Variants in DAPK2 observed in about 807,000 individuals in gnomAD.
DAPK2 encodes the protein death-associated protein kinase 2.
In DAPK2, 35 loss-of-function variants were observed where a neutral mutation model predicts 44.1. The ratio of observed to expected loss-of-function variants is 0.79; its 90% CI spans 0.61 to 1.05. The LOEUF is 1.05. Among genes scored for constraint, DAPK2 ranks in the 50% least tolerant of loss-of-function variants. DAPK2 has a pLI of 0.00. For missense variants in DAPK2, 453 were observed against 483.2 expected (o/e 0.94, Z 0.59); for synonymous variants, 174 against 182.6 (o/e 0.95, Z 0.38).
chr15:63,988,836 T>G (rs1289633052), intron 1 of DAPK2, among the ~76,000 whole-genome samples: 1 of 152,044 alleles, frequency 6.6e-6, no homozygotes, highest in Non-Finnish European at 1.5e-5. Context: ...AACTTCATAT[T>G]CATTCTCTTT....
rs530147072 is a variant in DAPK2 at position 64,020,096 on chromosome 15, G to A, written c.92+20074C>T. Among the ~76,000 whole-genome samples the A allele has an allele frequency of 6.6e-6, 1 of 152,168 alleles. No homozygotes were observed. ...CCATGGCTCTAGATGAGTGATTCCT[G>A]CCCCAGCTGAGTAGACAGCCCATGG... On this transcript the variant is annotated intron_variant, in intron 1 of 10. Coordinates refer to ENST00000261891, the Ensembl canonical transcript of DAPK2. The surrounding 1 kb of genome is among the most constrained non-coding windows in gnomAD (Gnocchi z 4.5).
chr15:63,914,912 G>A (rs552201966), intron 8 of DAPK2, among the ~76,000 whole-genome samples: 1 of 152,166 alleles, frequency 6.6e-6, no homozygotes, highest in African/African-American at 2.4e-5. Context: ...TTCATTACAC[G>A]TGGTGCTACC....
chr15:63,943,250 C>A (rs1322003648), intron 3 of DAPK2, among the ~76,000 whole-genome samples: 2 of 151,826 alleles, frequency 1.3e-5, no homozygotes, highest in African/African-American at 4.8e-5. Flanking sequence ...TTGGAGAAAC[C>A]CTGTCTCTAC....
intron 6 of DAPK2, among the ~76,000 whole-genome samples, chr15:63,926,376 C>G (rs1189157389): frequency 6.6e-6 from 1 of 151,878 alleles, no homozygotes; most frequent in Admixed American, 6.6e-5. Flanking sequence ...TTTGTGATCC[C>G]CAGCAAGACA....
rs780608846 is a variant in DAPK2, at chr15:63,912,088, C to T, written c.948+20G>A. 1.9e-5 allele frequency: 31 copies of T among 1,609,860 alleles called. No individual in the cohort carries two copies. The highest frequency in any genetic ancestry group is 2.7e-5 in the African/African-American group (2 of 74,744). ...CCCTAGCCCCCACCCTGTCCCCCGCCGCCCCAACCCTGGACACACCTTCCA... is the reference window on the plus strand; with the variant it reads ...CCCTAGCCCCCACCCTGTCCCCCGCTGCCCCAACCCTGGACACACCTTCCA... On this transcript the variant is annotated intron_variant, in intron 9 of 10. Transcript: ENST00000261891. The surrounding 1 kb of genome is among the most constrained non-coding windows in gnomAD (Gnocchi z 4.4).
At chr15:63,989,615 T>C (rs1001843265) in intron 1 of DAPK2, among the ~76,000 whole-genome samples, 3 of 152,192 alleles carry the variant, frequency 2.0e-5, no homozygotes, top group African/African-American at 7.2e-5. Context: ...AAAAGCAGAC[T>C]GATTTTTACT....
chr15:63,922,925 T>C, intron 8 of DAPK2: 1 of 1,535,932 alleles, frequency 6.5e-7, no homozygotes, highest in Non-Finnish European at 8.7e-7. Context: ...AATCTCAAAC[T>C]GGGCTTGCAG....
rs529363529 is a variant in DAPK2, at chr15:64,016,423, G to T, written c.92+23747C>A. ...GGGTGACTTGGGATATGAGTGATTT[G>T]CCCTCAGTGAGCCTCAGTGTTCTCA... On this transcript the variant is annotated intron_variant, in intron 1 of 10. Coordinates refer to ENST00000261891, the Ensembl canonical transcript of DAPK2. 2.0e-5 allele frequency among the ~76,000 whole-genome samples: 3 copies of T among 152,356 alleles called. No individual in the cohort carries two copies. The South Asian group carries it at 6.2e-4, about 32-fold the overall frequency.
At chr15:63,932,378 C>G (rs1352182043) in intron 4 of DAPK2, among the ~76,000 whole-genome samples, 2 of 143,610 alleles carry the variant, frequency 1.4e-5, no homozygotes, top group Non-Finnish European at 3.0e-5. Flanking sequence ...GGCAGGAGAA[C>G]TGCTTGAACC....
At chr15:63,925,223 G>A (rs1467010619) in intron 7 of DAPK2, among the ~76,000 whole-genome samples, 10 of 152,082 alleles carry the variant, frequency 6.6e-5, no homozygotes, top group South Asian at 4.1e-4. Flanking sequence ...TCCTGGATCC[G>A]TTCTCTGCCT....
chr15:63,975,090 A>G (rs1313208579), intron 2 of DAPK2, among the ~76,000 whole-genome samples: 1 of 152,132 alleles, frequency 6.6e-6, no homozygotes, highest in Non-Finnish European at 1.5e-5. Context: ...GGGGCTTAGA[A>G]TTTAATTTTT....
In DAPK2 at chr15:64,046,291, T is replaced by C. The variant is rs2080461152; in HGVS notation, c.-7+7A>G. 1.0e-6 allele frequency: 1 copy of C among 977,252 alleles called. No individual in the cohort carries two copies. Among genetic ancestry groups the C allele is most frequent in the Non-Finnish European group, 1.2e-6 (1 of 825,356 alleles). The allele number at this position is 977,252 out of a possible 1,614,324, so 60.5% of individuals were successfully genotyped here. Reference sequence around the variant, plus strand: ...GCCCATCGAGCCCGCAGACGGGTGCTACTCACGGCGGGAGGCTGAGCTGCC... The same window carrying C: ...GCCCATCGAGCCCGCAGACGGGTGCCACTCACGGCGGGAGGCTGAGCTGCC... On this transcript the variant is annotated splice_region_variant and intron_variant, in intron 1 of 11. Coordinates refer to the DAPK2 transcript ENST00000457488. The surrounding 1 kb of genome is among the most constrained non-coding windows in gnomAD (Gnocchi z 5.3).
intron 1 of DAPK2, among the ~76,000 whole-genome samples, chr15:63,992,222 A>G (rs1275589315): frequency 6.6e-6 from 1 of 152,234 alleles, no homozygotes; most frequent in East Asian, 1.9e-4. Flanking sequence ...CTACGTAAAG[A>G]AAGATTTTCA....
At chr15:63,971,509 C>T in exon 3 of DAPK2, 1 of 1,614,226 alleles carries the variant, frequency 6.2e-7, no homozygotes, top group Non-Finnish European at 8.5e-7. Flanking sequence ...GCCTCCTCCT[C>T]ACTCAGTGAC....
intron 1 of DAPK2, among the ~76,000 whole-genome samples, chr15:64,001,296 G>A (rs1211742461): frequency 2.0e-5 from 3 of 151,996 alleles, no homozygotes; most frequent in Non-Finnish European, 4.4e-5. Context: ...TCAATCTGCT[G>A]TCTCTAGATC....
In DAPK2 at chr15:63,950,460, C is replaced by T. The variant is rs1479629650; in HGVS notation, c.454-11099G>A. ...CTCAAACTCCTGGGCTCAAGCAATC[C>T]GCCTGCCTTAGCCTCCCAAAGTGCT... On this transcript the variant is annotated intron_variant, in intron 3 of 10. Coordinates refer to ENST00000261891, the Ensembl canonical transcript of DAPK2. 4.6e-5 allele frequency among the ~76,000 whole-genome samples: 7 copies of T among 152,140 alleles called. No individual in the cohort carries two copies. In the South Asian group the frequency reaches 6.2e-4, roughly 14 times the overall value.
chr15:63,971,629 T>C, intron 2 of DAPK2, 68 bp from the exon 4 acceptor site: 1 of 1,557,712 alleles, frequency 6.4e-7, no homozygotes, highest in South Asian at 1.2e-5. Context: ...GAGGCTGGGC[T>C]GATAGGGGCA....
chr15:63,955,123 A>C (rs1300287436), intron 3 of DAPK2, among the ~76,000 whole-genome samples: 1 of 152,162 alleles, frequency 6.6e-6, no homozygotes, highest in Non-Finnish European at 1.5e-5. Flanking sequence ...CTTCCTGTCC[A>C]ATTTGGACGC....
At position 63,908,488 on chromosome 15, in the gene DAPK2, A is replaced by G; in HGVS notation, c.*32T>C. The G allele has an allele frequency of 6.7e-7, 1 of 1,499,104 alleles. No individual in the cohort carries two copies. The highest frequency in any genetic ancestry group is 9.1e-7 in the Non-Finnish European group (1 of 1,104,560). The allele number at this position is 1,499,104 out of a possible 1,614,324, so 92.9% of individuals were successfully genotyped here. A position where few individuals can be genotyped will look rare whatever the true frequency, so the allele number is the denominator to read the frequency against. Reference sequence around the variant, plus strand: ...CAGAAGGGAGCCCCGCTGGGCCCAGACCTCCCTGGCGGCCACTGCAGGTCA... The same window carrying G: ...CAGAAGGGAGCCCCGCTGGGCCCAGGCCTCCCTGGCGGCCACTGCAGGTCA... On this transcript the variant is annotated 3_prime_UTR_variant, in exon 11 of 11. Coordinates refer to ENST00000261891, the Ensembl canonical transcript of DAPK2. The surrounding 1 kb of genome is among the most constrained non-coding windows in gnomAD (Gnocchi z 5.7).
Sources: gnomAD v4.1 joint callset for allele counts (sites outside exome capture counted in the v4.1 genomes callset) on GRCh38, gnomAD v4.1.1 for gene constraint, Gnocchi (gnomAD v3.1) non-coding constraint, MANE v1.5 for transcripts, NCBI Gene and HGNC (gene_info 2026-07-23, HGNC 2026-07-21) for gene names.